Variants in PAIP1 observed in about 807,000 individuals in gnomAD.
The protein encoded by PAIP1 is polyadenylate-binding protein-interacting protein 1.
PAIP1 carries 16 observed loss-of-function variants against 61.3 expected under a neutral mutation model. The ratio of observed to expected loss-of-function variants is 0.26; its 90% CI spans 0.18 to 0.40. The LOEUF is 0.40. PAIP1 is among the 10% of genes least tolerant of loss of function. PAIP1 has a pLI of 1.00. For synonymous variants in PAIP1, 187 were observed against 226.2 expected (o/e 0.83, Z 1.56); for missense variants, 416 against 600.9 (o/e 0.69, Z 3.22).
intron 7 of PAIP1, 39 bp downstream of exon 7, chr5:43,535,495 T>C (rs755330599): frequency 3.6e-6 from 4 of 1,119,562 alleles, no homozygotes; most frequent in Non-Finnish European, 5.4e-6. Flanking sequence ...AAGCAAGAAA[T>C]TGAGATGCAC....
At chr5:43,551,406 TAAGAAAAC>T (rs554529637) in intron 2 of PAIP1, among the ~76,000 whole-genome samples, 55 of 152,236 alleles carry the variant, frequency 3.6e-4, no homozygotes, top group Non-Finnish European at 7.1e-4. Flanking sequence ...TATAGCCATT[TAAGAAAAC>T]AAGAGACAAC....
At chr5:43,530,021 A>G in intron 9 of PAIP1, 142 bp from the exon 10 acceptor site, 1 of 600,632 alleles carries the variant, frequency 1.7e-6, no homozygotes. Context: ...ATAGTACTAT[A>G]GATATAAGTT....
intron 2 of PAIP1, among the ~76,000 whole-genome samples, chr5:43,551,940 A>G (rs1018648138): frequency 2.6e-5 from 4 of 152,164 alleles, no homozygotes; most frequent in Admixed American, 6.5e-5. Flanking sequence ...CAAAGCCTGC[A>G]TTACTTCTCT....
chr5:43,549,628 T>C (rs1747785728), intron 2 of PAIP1, among the ~76,000 whole-genome samples: 1 of 152,228 alleles, frequency 6.6e-6, no homozygotes, highest in Non-Finnish European at 1.5e-5. Flanking sequence ...GGTATGTCTT[T>C]GTCAGCAGCA....
intron 9 of PAIP1, among the ~76,000 whole-genome samples, chr5:43,531,645 A>G (rs1185635593): frequency 7.9e-6 from 1 of 127,034 alleles, no homozygotes; most frequent in Non-Finnish European, 1.6e-5. Context: ...TAACAGAGTG[A>G]GACTCTGTCT....
chr5:43,550,418 T>A (rs1485224591), intron 2 of PAIP1, among the ~76,000 whole-genome samples: 1 of 152,110 alleles, frequency 6.6e-6, no homozygotes, highest in African/African-American at 2.4e-5. Flanking sequence ...GCAACAGCCA[T>A]GTATTCATAC....
At chr5:43,527,896 T>A (rs2112369526) in intron 10 of PAIP1, among the ~76,000 whole-genome samples, 1 of 152,334 alleles carries the variant, frequency 6.6e-6, no homozygotes, top group East Asian at 1.9e-4. Flanking sequence ...GTCTACTTAA[T>A]AACAGAAAGT....
intron 1 of PAIP1, 24 bp downstream of exon 1, chr5:43,556,558 G>A (rs1324513362): frequency 1.9e-5 from 24 of 1,245,986 alleles, no homozygotes; most frequent in Admixed American, 8.4e-5. Flanking sequence ...AAGGAGGACT[G>A]GGGCCCTTAG....
chr5:43,556,166 G>A, intron 1 of PAIP1, 167 bp from the exon 2 acceptor site: 1 of 1,406,430 alleles, frequency 7.1e-7, no homozygotes, highest in East Asian at 2.6e-5. Context: ...CTACAAAAAG[G>A]AACAATAGAC....
At position 43,556,478 on chromosome 5, in the gene PAIP1, C is replaced by G. The variant is rs966664979; in HGVS notation, c.265+104G>C. On this transcript the variant is annotated intron_variant, in intron 1 of 10. Coordinates refer to ENST00000306846, the MANE Select transcript of PAIP1 (RefSeq NM_006451.5). ...CCTCTCGGGGAATGCTTTCGGGGAACCGGGGGTGGGGACCGCAGACAGCGC... is the reference window on the plus strand; with the variant it reads ...CCTCTCGGGGAATGCTTTCGGGGAAGCGGGGGTGGGGACCGCAGACAGCGC... 199 of 1,203,852 alleles carry G rather than the reference C, an allele frequency of 1.7e-4. No homozygotes were observed. In the African/African-American group the frequency reaches 2.8e-3, roughly 17 times the overall value. The allele number at this position is 1,203,852 out of a possible 1,614,324, so 74.6% of individuals were successfully genotyped here.
intron 2 of PAIP1, among the ~76,000 whole-genome samples, chr5:43,554,096 G>A (rs1485984960): frequency 1.3e-5 from 2 of 152,180 alleles, no homozygotes; most frequent in Admixed American, 6.5e-5. Flanking sequence ...GGCAAGGAAT[G>A]CCTAAAAGAT....
chr5:43,528,741 TA>T (rs929190934), intron 10 of PAIP1, among the ~76,000 whole-genome samples: 32 of 149,948 alleles, frequency 2.1e-4, no homozygotes, highest in African/African-American at 3.7e-4. Flanking sequence ...CAGGAGATAT[TA>T]AAAAAAAAAT....
At chr5:43,543,653 A>C (rs1480875386) in intron 3 of PAIP1, among the ~76,000 whole-genome samples, 1 of 152,124 alleles carries the variant, frequency 6.6e-6, no homozygotes, top group African/African-American at 2.4e-5. Flanking sequence ...CACTCCAAGA[A>C]TGATTGGGTA....
chr5:43,537,414 A>C (rs892081507), intron 5 of PAIP1, among the ~76,000 whole-genome samples: 1 of 152,142 alleles, frequency 6.6e-6, no homozygotes, highest in African/African-American at 2.4e-5. Flanking sequence ...AAAATGCTCA[A>C]CAGTATTTAT....
At chr5:43,556,384 G>A (rs1448062785) in intron 1 of PAIP1, 198 bp downstream of exon 1, 3 of 1,233,912 alleles carry the variant, frequency 2.4e-6, no homozygotes, top group Non-Finnish European at 2.0e-6. Flanking sequence ...CCCCAGCCAG[G>A]CGCACAAAGG....
At chr5:43,542,598 GAAT>G (rs943486625) in intron 4 of PAIP1, among the ~76,000 whole-genome samples, 2 of 149,984 alleles carry the variant, frequency 1.3e-5, no homozygotes, top group African/African-American at 4.9e-5. Flanking sequence ...AAAAGGAACA[GAAT>G]AAGTGATAAA....
intron 9 of PAIP1, among the ~76,000 whole-genome samples, chr5:43,532,556 G>A (rs565746793): frequency 4.6e-5 from 7 of 152,274 alleles, no homozygotes; most frequent in Middle Eastern, 6.8e-3. Context: ...ATGATTTTTA[G>A]AAGAAAACAG....
At chr5:43,537,672 A>G (rs1747207143) in intron 5 of PAIP1, among the ~76,000 whole-genome samples, 1 of 152,078 alleles carries the variant, frequency 6.6e-6, no homozygotes, top group Non-Finnish European at 1.5e-5. Context: ...AAGAAGGTAT[A>G]AGCTTATATC....
At chr5:43,533,308 C>T (rs988891730) in intron 9 of PAIP1, among the ~76,000 whole-genome samples, 1 of 152,186 alleles carries the variant, frequency 6.6e-6, no homozygotes, top group African/African-American at 2.4e-5. Flanking sequence ...TTTTAATTAA[C>T]TGTCACACAC....
Sources: allele counts gnomAD v4.1 joint callset (sites outside exome capture counted in the v4.1 genomes callset), GRCh38; gene constraint gnomAD v4.1.1; transcripts MANE v1.5; gene names NCBI Gene and HGNC (gene_info 2026-07-23, HGNC 2026-07-21).